Variants in PARN observed in about 807,000 individuals in gnomAD.
PARN encodes poly(A)-specific ribonuclease, also known as poly(A)-specific ribonuclease PARN.
Under a neutral mutation model 102.8 loss-of-function variants are expected in PARN, and 71 were observed. That is an observed-to-expected ratio of 0.69 (90% confidence interval 0.57 to 0.84). The LOEUF (loss-of-function observed/expected upper bound fraction) is 0.84. PARN is among the 40% of genes least tolerant of loss of function. The pLI is 0.00. For synonymous variants in PARN, 261 were observed against 252.9 expected, an observed-to-expected ratio of 1.03 and a Z score of -0.30; for missense variants, 782 against 760.9, an observed-to-expected ratio of 1.03 and a Z score of -0.33.
At chr16:14,629,047 T>C (rs897906653) in intron 2 of PARN, among the ~76,000 whole-genome samples, 1 of 152,122 alleles carries the variant, frequency 6.6e-6, no homozygotes, top group African/African-American at 2.4e-5. Context: ...AAAGGGCAAA[T>C]ATTGTAAGAT....
intron 18 of PARN, among the ~76,000 whole-genome samples, chr16:14,568,986 C>T (rs778696747): frequency 3.3e-5 from 5 of 151,978 alleles, no homozygotes; most frequent in Middle Eastern, 3.4e-3. Flanking sequence ...CTGAGGTGGG[C>T]GGATCACTTG....
chr16:14,562,930 T>C (rs1968164340), intron 18 of PARN, among the ~76,000 whole-genome samples: 1 of 152,240 alleles, frequency 6.6e-6, no homozygotes, highest in Non-Finnish European at 1.5e-5. Context: ...TGCCTTGGAC[T>C]GTGGCTTATC....
At chr16:14,600,013 G>T in intron 11 of PARN, 53 bp from the exon 12 acceptor site, 1 of 1,035,616 alleles carries the variant, frequency 9.7e-7, no homozygotes. Flanking sequence ...TATTCCTTAT[G>T]TGAATTAAAA....
At chr16:14,534,116 G>A (rs903653912) in intron 21 of PARN, among the ~76,000 whole-genome samples, 1 of 151,924 alleles carries the variant, frequency 6.6e-6, no homozygotes, top group Non-Finnish European at 1.5e-5. Context: ...CTACTCAGAA[G>A]GCTGAGGTGG....
chr16:14,465,279 TTTCCACATTGCC>T (rs1156249141), intron 22 of PARN, among the ~76,000 whole-genome samples: 1 of 152,148 alleles, frequency 6.6e-6, no homozygotes, highest in African/African-American at 2.4e-5. Flanking sequence ...AGACAGAGTC[TTTCCACATTGCC>T]CAGGCTGGTC....
intron 21 of PARN, among the ~76,000 whole-genome samples, chr16:14,524,334 G>A (rs1407387445): frequency 6.6e-6 from 1 of 152,044 alleles, no homozygotes; most frequent in African/African-American, 2.4e-5. Flanking sequence ...CCATCACGGC[G>A]GTTTAGATCA....
At chr16:14,493,273 T>C (rs551076146) in intron 21 of PARN, among the ~76,000 whole-genome samples, 1 of 152,272 alleles carries the variant, frequency 6.6e-6, no homozygotes, top group Admixed American at 6.5e-5. Context: ...TGGAGTGCAG[T>C]GGTGCAATCA....
At chr16:14,441,782 G>A (rs1050682067) in intron 23 of PARN, among the ~76,000 whole-genome samples, 16 of 152,246 alleles carry the variant, frequency 1.1e-4, no homozygotes, top group African/African-American at 3.1e-4. Flanking sequence ...GGCTGCCTCA[G>A]CCTGGTCTCT....
chr16:14,587,967 C>T (rs760236728), intron 13 of PARN, among the ~76,000 whole-genome samples: 2 of 152,202 alleles, frequency 1.3e-5, no homozygotes, highest in African/African-American at 4.8e-5. Context: ...ACTTACACAA[C>T]AAAATGGCTA....
chr16:14,479,907 A>G (rs1256183198), intron 22 of PARN, among the ~76,000 whole-genome samples: 1 of 151,298 alleles, frequency 6.6e-6, no homozygotes, highest in Non-Finnish European at 1.5e-5. Context: ...AGTTAAAATT[A>G]CAAACCTTCT....
intron 21 of PARN, among the ~76,000 whole-genome samples, chr16:14,489,267 G>A (rs1596500012): frequency 6.6e-6 from 1 of 151,942 alleles, no homozygotes; most frequent in African/African-American, 2.4e-5. Context: ...TTGGTTGAGT[G>A]GTGGTTTCAC....
chr16:14,553,638 A>G (rs1367220564), intron 20 of PARN, among the ~76,000 whole-genome samples: 2 of 152,236 alleles, frequency 1.3e-5, no homozygotes, highest in Non-Finnish European at 2.9e-5. Flanking sequence ...AAAGAGAAGG[A>G]CTGCCCTACC....
intron 22 of PARN, among the ~76,000 whole-genome samples, chr16:14,465,643 T>G (rs1035438478): frequency 1.3e-5 from 2 of 152,184 alleles, no homozygotes; most frequent in African/African-American, 4.8e-5. Context: ...GATGCTTTTA[T>G]GTAAATTTAT....
intron 21 of PARN, among the ~76,000 whole-genome samples, chr16:14,496,211 G>C (rs956338271): frequency 2.6e-5 from 4 of 152,178 alleles, no homozygotes; most frequent in African/African-American, 7.2e-5. Flanking sequence ...CCCTGACCCT[G>C]ACGCATGCTT....
chr16:14,551,582 CA>C (rs1967306897), intron 21 of PARN, among the ~76,000 whole-genome samples: 1 of 152,028 alleles, frequency 6.6e-6, no homozygotes, highest in African/African-American at 2.4e-5. Flanking sequence ...ACAACAACAA[CA>C]ATGACAACAA....
At chr16:14,623,140 T>C (rs897741905) in intron 5 of PARN, among the ~76,000 whole-genome samples, 35 of 150,836 alleles carry the variant, frequency 2.3e-4, no homozygotes, top group African/African-American at 8.5e-4. Flanking sequence ...TGTCTAGGCA[T>C]ATGTCTATAT....
chr16:14,476,073 TAAA>T (rs1273591352), intron 22 of PARN, among the ~76,000 whole-genome samples: 1 of 152,074 alleles, frequency 6.6e-6, no homozygotes, highest in Non-Finnish European at 1.5e-5. Context: ...AAAATAAAAA[TAAA>T]AGACAGACTG....
At chr16:14,628,064 T>A in intron 3 of PARN, 108 bp downstream of exon 3, 1 of 721,510 alleles carries the variant, frequency 1.4e-6, no homozygotes, top group Non-Finnish European at 2.4e-6. Flanking sequence ...GAGGAGAAAA[T>A]ACTGCACTTA....
intron 5 of PARN, among the ~76,000 whole-genome samples, chr16:14,624,335 C>CA (rs1972507410): frequency 6.6e-6 from 1 of 152,248 alleles, no homozygotes; most frequent in African/African-American, 2.4e-5. Flanking sequence ...AAAGAAAATC[C>CA]AAAAATACAT....
Sources: gnomAD v4.1 joint callset for allele counts (sites outside exome capture counted in the v4.1 genomes callset) on GRCh38, gnomAD v4.1.1 for gene constraint, MANE v1.5 for transcripts, NCBI Gene and HGNC (gene_info 2026-07-23, HGNC 2026-07-21) for gene names.